The following IL15RA variants were observed in gnomAD, a reference collection of about 807,000 sequenced individuals.
IL15RA encodes the protein interleukin 15 receptor subunit alpha, also known as interleukin-15 receptor subunit alpha.
A neutral mutation model predicts 24.2 loss-of-function variants in IL15RA; 26 were observed. The observed-to-expected ratio is 1.07, with a 90% CI of 0.79 to 1.49. The LOEUF (loss-of-function observed/expected upper bound fraction) is 1.49, where lower values mean the gene tolerates loss of function less well. Among genes scored for constraint, IL15RA ranks in the 40% most tolerant of loss-of-function variants. The probability of loss-of-function intolerance (pLI) is 0.00; values close to 1 mark genes in which losing one functional copy is unlikely to be tolerated. For missense variants in IL15RA, 354 were observed against 356.4 expected, an observed-to-expected ratio of 0.99 and a Z score of 0.05; for synonymous variants, 166 against 157.6, an observed-to-expected ratio of 1.05 and a Z score of -0.40.
intron 1 of IL15RA, among the ~76,000 whole-genome samples, chr10:5,969,945 G>C (rs1165062376): frequency 7.2e-5 from 11 of 152,246 alleles, no homozygotes; most frequent in African/African-American, 2.6e-4. Flanking sequence ...CAAATGGTAT[G>C]ATATTTATTT....
At chr10:5,956,076 G>A (rs766393510) in intron 6 of IL15RA, among the ~76,000 whole-genome samples, 2 of 151,976 alleles carry the variant, frequency 1.3e-5, no homozygotes, top group Admixed American at 6.6e-5. Flanking sequence ...GTGCAGTGGC[G>A]CAATCTTGGC....
Position 5,959,431 on chromosome 10 carries a change from A to G in IL15RA, c.616+323T>C, listed in dbSNP as rs1213453031. Among the ~76,000 whole-genome samples, 1 of 152,170 alleles carries G rather than the reference A, an allele frequency of 6.6e-6. No homozygotes were observed. The highest frequency in any genetic ancestry group is 1.5e-5 in the Non-Finnish European group (1 of 68,028). On this transcript the variant is annotated intron_variant, in intron 5 of 6. Coordinates refer to ENST00000379977, the MANE Select transcript of IL15RA (RefSeq NM_002189.4). The surrounding 1 kb of genome is among the most constrained non-coding windows in gnomAD (Gnocchi z 4.1). Reference sequence around the variant, plus strand: ...CGTCAGTGCTGGCATCAGCACCTGTAGTTTTGGATGCTCCATGCAAAAGAG... The same window carrying G: ...CGTCAGTGCTGGCATCAGCACCTGTGGTTTTGGATGCTCCATGCAAAAGAG...
rs1414757015 is a variant in IL15RA at position 5,966,409 on chromosome 10, G to T, written c.89-70C>A. 3.8e-6 allele frequency: 5 copies of T among 1,299,594 alleles called. No homozygotes were observed. The African/African-American group carries it at 7.2e-5, about 19-fold the overall frequency. The allele number at this position is 1,299,594 out of a possible 1,614,324, so 80.5% of individuals were successfully genotyped here. A position where few individuals can be genotyped will look rare whatever the true frequency, so the allele number is the denominator to read the frequency against. ...TGTAAGAGGCGTTCTCCAGGCACAC[G>T]CAGCGGTAGTCAGTGTCCAGCTTAT... On this transcript the variant is annotated intron_variant, in intron 1 of 6. Coordinates refer to ENST00000379977, the MANE Select transcript of IL15RA (RefSeq NM_002189.4). This position sits in a 1 kb window ranked among gnomAD's most constrained non-coding sequence, Gnocchi z 6.4.
At position 5,968,261 on chromosome 10, in the gene IL15RA, C is replaced by T. The variant is rs943499597; in HGVS notation, c.89-1922G>A. Among the ~76,000 whole-genome samples the T allele has an allele frequency of 6.6e-6, 1 of 152,154 alleles. No homozygotes were observed. ...ATCACCTAAGTCCACACAAAAACATCCCAAACCTCACTAACACATCCCTGT... is the reference window on the plus strand; with the variant it reads ...ATCACCTAAGTCCACACAAAAACATTCCAAACCTCACTAACACATCCCTGT... On this transcript the variant is annotated intron_variant, in intron 1 of 6. Transcript: ENST00000379977. The surrounding 1 kb of genome is among the most constrained non-coding windows in gnomAD (Gnocchi z 5.4).
chr10:5,956,664 G>A (rs1364534971), intron 5 of IL15RA, among the ~76,000 whole-genome samples: 1 of 152,226 alleles, frequency 6.6e-6, no homozygotes, highest in East Asian at 1.9e-4. Context: ...CCAGCTCCCA[G>A]TCGTCCCACA....
chr10:5,977,561 A>G, upstream of IL15RA: 2 of 1,270,876 alleles, frequency 1.6e-6, no homozygotes, highest in Non-Finnish European at 2.0e-6. Context: ...GGAGGTGGCG[A>G]GCGCTGCTCT....
Position 5,977,445 on chromosome 10 carries a change from C to G in IL15RA, c.48G>C (p.Ala16=). ...ARGCRTLGLP[A]LLLLLLLRPP... ...GCCGGAGCAGCAGCAGCAGTAGCAG[C>G]GCCGGGAGACCGAGGGTCCGGCAGC... Residue 16 remains alanine (A), a synonymous_variant, in exon 1 of 7, where the codon GCG becomes GCC. Transcript: ENST00000379977. 1 of 1,365,746 alleles carries G rather than the reference C, an allele frequency of 7.3e-7. No individual in the cohort carries two copies. Among genetic ancestry groups the G allele is most frequent in the Non-Finnish European group, 9.4e-7 (1 of 1,061,724 alleles). The allele number at this position is 1,365,746 out of a possible 1,614,324, so 84.6% of individuals were successfully genotyped here.
At chr10:5,956,786 G>A (rs1431085342) in intron 5 of IL15RA, among the ~76,000 whole-genome samples, 1 of 152,126 alleles carries the variant, frequency 6.6e-6, no homozygotes, top group Non-Finnish European at 1.5e-5. Flanking sequence ...CCAAGAGTGC[G>A]ATGAGGAGAG....
In IL15RA at chr10:5,960,674, C is replaced by G; in HGVS notation, c.383-107G>C. ...TGCCATAGTGAGTCACCCTGACCAG[C>G]CCTCCCTCTCTCACAGCCAACTGCT... is the stretch of plus-strand genomic sequence containing the variant. On this transcript the variant is annotated intron_variant, in intron 3 of 6. Transcript: ENST00000379977. This position sits in a 1 kb window ranked among gnomAD's most constrained non-coding sequence, Gnocchi z 5.1. The G allele has an allele frequency of 4.5e-6, 4 of 888,696 alleles. No homozygotes were observed. The highest frequency in any genetic ancestry group is 5.4e-6 in the Non-Finnish European group (3 of 553,506). 55.1% of individuals were successfully genotyped at this position (888,696 alleles called of 1,614,324 possible).
Position 5,963,842 on chromosome 10 carries a change from C to T in IL15RA, c.284-1G>A, listed in dbSNP as rs1232296734. 1 of 1,559,736 alleles carries T rather than the reference C, an allele frequency of 6.4e-7. No homozygotes were observed. The highest frequency in any genetic ancestry group is 8.6e-7 in the Non-Finnish European group (1 of 1,158,664). On this transcript the variant is annotated splice_acceptor_variant, in intron 2 of 6. Transcript: ENST00000379977. LOFTEE classifies it high-confidence loss of function. This position sits in a 1 kb window ranked among gnomAD's most constrained non-coding sequence, Gnocchi z 5.3. ...CTTTGGTGAACCAGGGCAGGGTCTC[C>T]TAGAGAGAGGATAACCACATGGCAC...
At chr10:5,956,055 C>T (rs1834473741) in intron 6 of IL15RA, among the ~76,000 whole-genome samples, 1 of 152,062 alleles carries the variant, frequency 6.6e-6, no homozygotes, top group Non-Finnish European at 1.5e-5. Flanking sequence ...TGCTCTGTTG[C>T]CCAGGTAGGA....
intron 1 of IL15RA, among the ~76,000 whole-genome samples, chr10:5,974,793 C>T (rs1838156146): frequency 6.6e-6 from 1 of 152,082 alleles, no homozygotes; most frequent in African/African-American, 2.4e-5. Flanking sequence ...AGGAGAATCG[C>T]TTGAACCCAG....
At chr10:5,957,107 A>T (rs1272050272) in intron 5 of IL15RA, among the ~76,000 whole-genome samples, 1 of 150,346 alleles carries the variant, frequency 6.7e-6, no homozygotes, top group Non-Finnish European at 1.5e-5. Flanking sequence ...TTACAGGCAC[A>T]CACCACCACG....
At position 5,961,484 on chromosome 10, in the gene IL15RA, C is replaced by T. The variant is rs1481292291; in HGVS notation, c.383-917G>A. The stretch of plus-strand genomic sequence containing the variant: ...CAGCTTGTTTACTAGAGAAGGCAGG[C>T]CCAACGCTGGAGGCTCAGCTGAGAG... On this transcript the variant is annotated intron_variant, in intron 3 of 6. Transcript: ENST00000379977. This position sits in a 1 kb window ranked among gnomAD's most constrained non-coding sequence, Gnocchi z 5.2. 6.6e-6 allele frequency among the ~76,000 whole-genome samples: 1 copy of T among 152,210 alleles called. No homozygotes were observed. The highest frequency in any genetic ancestry group is 1.5e-5 in the Non-Finnish European group (1 of 68,036).
intron 5 of IL15RA, among the ~76,000 whole-genome samples, chr10:5,957,867 C>T (rs1378463901): frequency 6.6e-6 from 1 of 152,188 alleles, no homozygotes; most frequent in African/African-American, 2.4e-5. Flanking sequence ...GTTGGAATTA[C>T]AGGCATGAGC....
In IL15RA at chr10:5,966,363, G is replaced by T. The variant is rs762040749; in HGVS notation, c.89-24C>A. 2 of 1,590,212 alleles carry T rather than the reference G, an allele frequency of 1.3e-6. No homozygotes were observed. Among genetic ancestry groups the T allele is most frequent in the Non-Finnish European group, 1.7e-6 (2 of 1,160,188 alleles). ...GCCTGCGAAAGTGCAGAGGACAGGG[G>T]ACGGTGAAGAGGTTTCCACTTGTAA... On this transcript the variant is annotated intron_variant, in intron 1 of 6. Coordinates refer to ENST00000379977, the MANE Select transcript of IL15RA (RefSeq NM_002189.4). The surrounding 1 kb of genome is among the most constrained non-coding windows in gnomAD (Gnocchi z 6.4).
At chr10:5,957,126 A>AT (rs1467593412) in intron 5 of IL15RA, among the ~76,000 whole-genome samples, 6 of 150,914 alleles carry the variant, frequency 4.0e-5, no homozygotes, top group Non-Finnish European at 5.9e-5. Flanking sequence ...CGCCTGGCTA[A>AT]TTTTTTGTAT....
Position 5,968,027 on chromosome 10 carries a change from C to T in IL15RA, c.89-1688G>A, listed in dbSNP as rs1836890216. On this transcript the variant is annotated intron_variant, in intron 1 of 6. Transcript: ENST00000379977. This position sits in a 1 kb window ranked among gnomAD's most constrained non-coding sequence, Gnocchi z 5.4. Reference sequence around the variant, plus strand: ...TGAGCCAAGATTGTGCCACTGCACTCGAGCCTGGGTGACAGAGCAAGAATC... The same window carrying T: ...TGAGCCAAGATTGTGCCACTGCACTTGAGCCTGGGTGACAGAGCAAGAATC... Among the ~76,000 whole-genome samples the T allele has an allele frequency of 6.6e-6, 1 of 152,170 alleles. No individual in the cohort carries two copies. Among genetic ancestry groups the T allele is most frequent in the East Asian group, 1.9e-4 (1 of 5,184 alleles).
chr10:5,966,256 T>C lies in IL15RA; in HGVS notation c.172A>G (p.Ile58Val). The change falls in exon 2 of 7, where the codon ATT (isoleucine) becomes GTT (valine). Residue 58 changes from isoleucine to valine, a missense_variant. By Grantham distance (29) the Ile-to-Val change is conservative. Coordinates refer to ENST00000379977, the MANE Select transcript of IL15RA (RefSeq NM_002189.4). The surrounding 1 kb of genome is among the most constrained non-coding windows in gnomAD (Gnocchi z 6.4). ...TTACGCTTGAAACCAGAGTTACAAA[T>C]GTACCGCTCCCTGGAGTACAAGCTG... Reference protein sequence around the residue: ...SYSLYSRERYICNSGFKRKAG... With the variant: ...SYSLYSRERYVCNSGFKRKAG... 6.2e-7 allele frequency: 1 copy of C among 1,614,118 alleles called. No homozygotes were observed. The highest frequency in any genetic ancestry group is 8.5e-7 in the Non-Finnish European group (1 of 1,179,966).
Sources: gnomAD v4.1 joint callset for allele counts (sites outside exome capture counted in the v4.1 genomes callset) on GRCh38, gnomAD v4.1.1 for gene constraint, Gnocchi (gnomAD v3.1) non-coding constraint, MANE v1.5 for transcripts, NCBI Gene and HGNC (gene_info 2026-07-23, HGNC 2026-07-21) for gene names.